Variants in CCDC85C observed in about 807,000 individuals in gnomAD.
The protein encoded by CCDC85C is coiled-coil domain containing 85C.
Under a neutral mutation model 38.3 loss-of-function variants are expected in CCDC85C, and 18 were observed. The observed-to-expected ratio is 0.47, with a 90% CI of 0.33 to 0.70. CCDC85C has a LOEUF of 0.70. Ranked by LOEUF, CCDC85C falls within the 30% of genes least tolerant of loss-of-function variation. The probability of loss-of-function intolerance (pLI) is 0.03; values close to 1 mark genes in which losing one functional copy is unlikely to be tolerated. For synonymous variants in CCDC85C, 264 were observed against 293.8 expected (o/e 0.90, Z 1.04); for missense variants, 566 against 621.2 (o/e 0.91, Z 0.94).
Position 99,579,423 on chromosome 14 carries a change from C to T in CCDC85C, c.793+23744G>A, listed in dbSNP as rs1012622533. The stretch of plus-strand genomic sequence containing the variant: ...TGCTGTGGGCTCAGAGATACTCACA[C>T]AGTGAGTGGGACCTACAGGGGAGCT... On this transcript the variant is annotated intron_variant, in intron 1 of 5. Transcript: ENST00000380243. Among the ~76,000 whole-genome samples, 4 of 152,234 alleles carry T rather than the reference C, an allele frequency of 2.6e-5. No homozygotes were observed. In the South Asian group the frequency reaches 6.2e-4, roughly 24 times the overall value.
chr14:99,562,445 C>G (rs755197509), intron 1 of CCDC85C, among the ~76,000 whole-genome samples: 5 of 152,356 alleles, frequency 3.3e-5, no homozygotes, highest in Non-Finnish European at 7.3e-5. Flanking sequence ...GCACATGGTG[C>G]ATGAGATGGA....
chr14:99,542,618 CAGG>C (rs1213877127), intron 1 of CCDC85C, among the ~76,000 whole-genome samples: 2 of 152,186 alleles, frequency 1.3e-5, no homozygotes, highest in African/African-American at 4.8e-5. Flanking sequence ...CTCCTCTTCC[CAGG>C]CAGTCCTCCC....
At chr14:99,530,343 T>A (rs964896281) in intron 2 of CCDC85C, among the ~76,000 whole-genome samples, 1 of 152,036 alleles carries the variant, frequency 6.6e-6, no homozygotes, top group Non-Finnish European at 1.5e-5. Context: ...ACACTGCCTA[T>A]GACAGAGGTG....
At chr14:99,566,183 C>T (rs979426243) in intron 1 of CCDC85C, among the ~76,000 whole-genome samples, 1 of 152,240 alleles carries the variant, frequency 6.6e-6, no homozygotes, top group Non-Finnish European at 1.5e-5. Flanking sequence ...ACTGGTCTTT[C>T]CTGACCACCC....
chr14:99,584,006 G>C (rs960533774), intron 1 of CCDC85C, among the ~76,000 whole-genome samples: 1 of 152,006 alleles, frequency 6.6e-6, no homozygotes, highest in Non-Finnish European at 1.5e-5. Context: ...GTCACCATTG[G>C]GGGAAGCTGG....
At chr14:99,530,822 C>G (rs1221569876) in intron 2 of CCDC85C, among the ~76,000 whole-genome samples, 2 of 152,224 alleles carry the variant, frequency 1.3e-5, no homozygotes, top group Non-Finnish European at 2.9e-5. Flanking sequence ...CAGGTGAGCG[C>G]TGGGGCGGGG....
At position 99,603,872 on chromosome 14, in the gene CCDC85C, C is replaced by G; in HGVS notation, c.88G>C (p.Glu30Gln). The G allele has an allele frequency of 6.6e-7, 1 of 1,513,466 alleles. No individual in the cohort carries two copies. The highest frequency in any genetic ancestry group is 8.8e-7 in the Non-Finnish European group (1 of 1,137,126). 93.8% of individuals were successfully genotyped at this position (1,513,466 alleles called of 1,614,324 possible). The change falls in exon 1 of 6, where the codon GAG becomes CAG. Residue 30 changes from glutamate to glutamine, a missense_variant. Glu to Gln is a conservative substitution (Grantham distance 29, BLOSUM62 2). Transcript: ENST00000380243. This position sits in a 1 kb window ranked among gnomAD's most constrained non-coding sequence, Gnocchi z 7.5. Reference sequence around the variant, plus strand: ...GCGCGCCGCAGCCGCCGCGCCAGCTCCTCCTTGCTCCAGCGCAGCAGCTCC... The same window carrying G: ...GCGCGCCGCAGCCGCCGCGCCAGCTGCTCCTTGCTCCAGCGCAGCAGCTCC... Reference protein sequence around the residue: ...DEELLRWSKEELARRLRRAEG... With the variant: ...DEELLRWSKEQLARRLRRAEG...
At chr14:99,547,901 T>C (rs1205432782) in intron 1 of CCDC85C, among the ~76,000 whole-genome samples, 2 of 151,660 alleles carry the variant, frequency 1.3e-5, no homozygotes, top group Non-Finnish European at 2.9e-5. Flanking sequence ...CACACACACA[T>C]ATATACACAT....
intron 1 of CCDC85C, among the ~76,000 whole-genome samples, chr14:99,568,513 C>A (rs1226009088): frequency 3.3e-5 from 5 of 152,070 alleles, no homozygotes; most frequent in Non-Finnish European, 7.4e-5. Flanking sequence ...CCTTGCACAC[C>A]TAGAAGACAG....
chr14:99,534,535 C>T (rs2139916422), intron 2 of CCDC85C: 4 of 680,738 alleles, frequency 5.9e-6, no homozygotes, highest in South Asian at 1.6e-5. Flanking sequence ...CTGGCCCTTG[C>T]TCTGCAGAGC....
At position 99,506,330 on chromosome 14, in the gene CCDC85C, G is replaced by T. The variant is rs967198085; in HGVS notation, c.*8916C>A. 4 of 152,268 alleles carry T rather than the reference G, an allele frequency of 2.6e-5. No individual in the cohort carries two copies. Among genetic ancestry groups the T allele is most frequent in the Non-Finnish European group, 4.4e-5 (3 of 68,070 alleles). The allele number at this position is 152,268 out of a possible 1,614,324, so 9.4% of individuals were successfully genotyped here. On this transcript the variant is annotated 3_prime_UTR_variant, in exon 6 of 6. Coordinates refer to ENST00000380243, the MANE Select transcript of CCDC85C (RefSeq NM_001144995.2). ...CTCAGCATGCAAACAGAAAAATAGGGTTCTTTTTCAGTTGTGATGTGCACG... is the reference window on the plus strand; with the variant it reads ...CTCAGCATGCAAACAGAAAAATAGGTTTCTTTTTCAGTTGTGATGTGCACG...
At chr14:99,573,292 G>A (rs1419896771) in intron 1 of CCDC85C, among the ~76,000 whole-genome samples, 1 of 152,200 alleles carries the variant, frequency 6.6e-6, no homozygotes, top group Non-Finnish European at 1.5e-5. Flanking sequence ...AACCCTCAGG[G>A]AGCCGGCTCT....
rs1465918815 is a variant in CCDC85C at position 99,572,724 on chromosome 14, A to G, written c.793+30443T>C. On this transcript the variant is annotated intron_variant, in intron 1 of 5. Coordinates refer to ENST00000380243, the MANE Select transcript of CCDC85C (RefSeq NM_001144995.2). The surrounding 1 kb of genome is among the most constrained non-coding windows in gnomAD (Gnocchi z 4.4). ...TCTGCTCTTCCTAGCACTCACCAGG[A>G]TATGAAACTGTCCCATCCATGGATT... The G allele has an allele frequency of 2.2e-6, 1 of 456,092 alleles. No individual in the cohort carries two copies. Among genetic ancestry groups the G allele is most frequent in the Admixed American group, 2.3e-5 (1 of 42,572 alleles). The allele number at this position is 456,092 out of a possible 1,614,324, so 28.3% of individuals were successfully genotyped here. A position where few individuals can be genotyped will look rare whatever the true frequency, so the allele number is the denominator to read the frequency against.
intron 1 of CCDC85C, among the ~76,000 whole-genome samples, chr14:99,590,881 C>T (rs2055078255): frequency 6.6e-6 from 1 of 152,214 alleles, no homozygotes; most frequent in Non-Finnish European, 1.5e-5. Flanking sequence ...CACAAGGCTG[C>T]AGTGAGCAGG....
In CCDC85C at chr14:99,569,510, A is replaced by G. The variant is rs1036640754; in HGVS notation, c.794-33422T>C. On this transcript the variant is annotated intron_variant, in intron 1 of 5. Transcript: ENST00000380243. The surrounding 1 kb of genome is among the most constrained non-coding windows in gnomAD (Gnocchi z 4.3). ...CTGCCCCAGGGCTGGGACCAAACCC[A>G]CAGCCACAAAAACCAATGCCACCTA... is the stretch of plus-strand genomic sequence containing the variant. Among the ~76,000 whole-genome samples, 3 of 152,186 alleles carry G rather than the reference A, an allele frequency of 2.0e-5. No homozygotes were observed. Among genetic ancestry groups the G allele is most frequent in the Admixed American group, 6.5e-5 (1 of 15,276 alleles).
chr14:99,503,183 A>T lies in CCDC85C; in HGVS notation c.*12063T>A. ...GGACAGGCTGCCTCTGAGAACCAGG[A>T]GGGGGCTCTCTGCCCGGCTCCAGCC... On this transcript the variant is annotated 3_prime_UTR_variant, in exon 6 of 6. Transcript: ENST00000380243. The T allele has an allele frequency of 2.8e-6, 2 of 721,462 alleles. No individual in the cohort carries two copies. Among genetic ancestry groups the T allele is most frequent in the Admixed American group, 4.0e-5 (2 of 50,008 alleles). 44.7% of individuals were successfully genotyped at this position (721,462 alleles called of 1,614,324 possible).
In CCDC85C at chr14:99,506,370, G is replaced by A. The variant is rs1896975287; in HGVS notation, c.*8876C>T. 1 of 152,306 alleles carries A rather than the reference G, an allele frequency of 6.6e-6. No homozygotes were observed. Among genetic ancestry groups the A allele is most frequent in the Non-Finnish European group, 1.5e-5 (1 of 68,122 alleles). 9.4% of individuals were successfully genotyped at this position (152,306 alleles called of 1,614,324 possible). ...TGATGTGCACGCTGCCTTCTTAAAC[G>A]GATGAGATTGGACTTCCCTTGGGCT... On this transcript the variant is annotated 3_prime_UTR_variant, in exon 6 of 6. Coordinates refer to ENST00000380243, the MANE Select transcript of CCDC85C (RefSeq NM_001144995.2).
At chr14:99,571,758 C>A (rs969549632) in intron 1 of CCDC85C, among the ~76,000 whole-genome samples, 3 of 152,202 alleles carry the variant, frequency 2.0e-5, no homozygotes, top group Non-Finnish European at 2.9e-5. Context: ...CGGGCCTTTG[C>A]CAATGTAAAT....
chr14:99,581,523 G>A (rs891360821), intron 1 of CCDC85C, among the ~76,000 whole-genome samples: 5 of 152,360 alleles, frequency 3.3e-5, no homozygotes, highest in South Asian at 2.1e-4. Context: ...CCCAGTGACC[G>A]GTGCAGGCCT....
Sources: gnomAD v4.1 joint callset for allele counts (sites outside exome capture counted in the v4.1 genomes callset) on GRCh38, gnomAD v4.1.1 for gene constraint, Gnocchi (gnomAD v3.1) non-coding constraint, MANE v1.5 for transcripts, NCBI Gene and HGNC (gene_info 2026-07-23, HGNC 2026-07-21) for gene names.